Variants in TNIK observed in about 807,000 individuals in gnomAD.
TNIK encodes the protein TRAF2 and NCK interacting kinase, also known as TRAF2 and NCK-interacting protein kinase.
In TNIK, 49 loss-of-function variants were observed where a neutral mutation model predicts 191.3. That is an observed-to-expected ratio of 0.26 (90% CI 0.20 to 0.32). TNIK has a LOEUF of 0.32. Among genes scored for constraint, TNIK ranks in the 10% least tolerant of loss-of-function variants. The probability of loss-of-function intolerance (pLI) is 1.00; values close to 1 mark genes in which losing one functional copy is unlikely to be tolerated. For missense variants in TNIK, 1,155 were observed against 1,702.3 expected, an observed-to-expected ratio of 0.68 and a Z score of 5.66; for synonymous variants, 594 against 600.9, an observed-to-expected ratio of 0.99 and a Z score of 0.17.
At chr3:171,142,695 A>G (rs1731003723) in intron 12 of TNIK, among the ~76,000 whole-genome samples, 1 of 152,242 alleles carries the variant, frequency 6.6e-6, no homozygotes, top group East Asian at 1.9e-4. Flanking sequence ...AGAAAACATC[A>G]GCATAGGCAC....
chr3:171,342,348 T>C (rs1757622894), intron 2 of TNIK, among the ~76,000 whole-genome samples: 1 of 152,212 alleles, frequency 6.6e-6, no homozygotes, highest in African/African-American at 2.4e-5. Context: ...GATTAAATTG[T>C]GAAACAACCT....
intron 12 of TNIK, among the ~76,000 whole-genome samples, chr3:171,153,069 C>T (rs554200007): frequency 1.3e-5 from 2 of 152,222 alleles, no homozygotes; most frequent in South Asian, 2.1e-4. Flanking sequence ...CCACTGCGCC[C>T]GGCCAAAACT....
At chr3:171,260,440 C>T (rs1221067364) in intron 2 of TNIK, among the ~76,000 whole-genome samples, 1 of 152,110 alleles carries the variant, frequency 6.6e-6, no homozygotes, top group African/African-American at 2.4e-5. Flanking sequence ...GCATCCCTTC[C>T]CATCCCCACC....
intron 2 of TNIK, among the ~76,000 whole-genome samples, chr3:171,362,146 A>G (rs1715074335): frequency 6.6e-6 from 1 of 152,184 alleles, no homozygotes; most frequent in South Asian, 2.1e-4. Flanking sequence ...TCACCCCACC[A>G]AAGTTCCACA....
At chr3:171,312,150 C>T (rs1363358990) in intron 2 of TNIK, among the ~76,000 whole-genome samples, 21 of 107,354 alleles carry the variant, frequency 2.0e-4, no homozygotes, top group African/African-American at 7.0e-4. Context: ...AAGGGCTAGA[C>T]TGGCATATCT....
intron 2 of TNIK, among the ~76,000 whole-genome samples, chr3:171,322,839 CTTTT>C (rs10617013): frequency 1.1e-4 from 15 of 136,312 alleles, no homozygotes; most frequent in Non-Finnish European, 1.1e-4. Context: ...GTTTTCTTTT[CTTTT>C]TTTTTTTTTT....
intron 24 of TNIK, 149 bp from the exon 25 acceptor site, chr3:171,085,378 G>T: frequency 1.7e-6 from 1 of 587,994 alleles, no homozygotes; most frequent in Non-Finnish European, 2.7e-6. Flanking sequence ...GTGCGTGCCT[G>T]TCTCCAGCTT....
chr3:171,349,374 T>C (rs1712769961), intron 2 of TNIK, among the ~76,000 whole-genome samples: 1 of 152,172 alleles, frequency 6.6e-6, no homozygotes, highest in Admixed American at 6.5e-5. Flanking sequence ...AATCCTACAA[T>C]AACTCTTGTA....
Position 171,084,258 on chromosome 3 carries a change from C to A in TNIK, c.3066G>T (p.Val1022=). The A allele has an allele frequency of 6.2e-7, 1 of 1,613,634 alleles. No homozygotes were observed. The highest frequency in any genetic ancestry group is 8.5e-7 in the Non-Finnish European group (1 of 1,179,790). ...GAATGTTGGTTGGGTTTACATTTAC[C>A]ACCGAAATCTTTCTTGCTTCATTGA... ...AKLNEARKIS[V]VNVNPTNIRP... The change falls in exon 26 of 33, where the codon GTG becomes GTT. Residue 1022 remains valine, a synonymous_variant. Transcript: ENST00000436636.
intron 2 of TNIK, among the ~76,000 whole-genome samples, chr3:171,243,530 G>T (rs944876857): frequency 1.3e-5 from 2 of 151,974 alleles, no homozygotes; most frequent in Non-Finnish European, 2.9e-5. Flanking sequence ...CATCTTCTGG[G>T]GTTGAACCTG....
At chr3:171,271,413 A>T (rs1467342617) in intron 2 of TNIK, among the ~76,000 whole-genome samples, 1 of 152,142 alleles carries the variant, frequency 6.6e-6, no homozygotes, top group Non-Finnish European at 1.5e-5. Context: ...CATCATTTCC[A>T]TGACCTATCC....
At chr3:171,195,557 T>G (rs1474666129) in intron 4 of TNIK, among the ~76,000 whole-genome samples, 2 of 152,160 alleles carry the variant, frequency 1.3e-5, no homozygotes, top group Non-Finnish European at 2.9e-5. Flanking sequence ...AAATCTACAT[T>G]CCTGATATCA....
chr3:171,345,354 GAGA>G (rs1364923100), intron 2 of TNIK, among the ~76,000 whole-genome samples: 1 of 152,116 alleles, frequency 6.6e-6, no homozygotes, highest in Non-Finnish European at 1.5e-5. Flanking sequence ...ATCTTGCCTG[GAGA>G]AGGACTCAAT....
At chr3:171,258,696 A>G (rs540869362) in intron 2 of TNIK, among the ~76,000 whole-genome samples, 5 of 152,166 alleles carry the variant, frequency 3.3e-5, no homozygotes, top group Admixed American at 6.5e-5. Flanking sequence ...TTCCAGGGAC[A>G]CCATGCCAGG....
chr3:171,278,265 A>G (rs1319806843), intron 2 of TNIK, among the ~76,000 whole-genome samples: 1 of 152,212 alleles, frequency 6.6e-6, no homozygotes, highest in African/African-American at 2.4e-5. Flanking sequence ...CTAACCTTTC[A>G]GATGACAGTA....
intron 2 of TNIK, among the ~76,000 whole-genome samples, chr3:171,351,130 A>G (rs1035229760): frequency 3.3e-5 from 5 of 152,046 alleles, no homozygotes; most frequent in Admixed American, 2.6e-4. Flanking sequence ...AGCTCAGGCA[A>G]TTCACCCACC....
At chr3:171,277,761 G>A (rs1208593355) in intron 2 of TNIK, among the ~76,000 whole-genome samples, 1 of 152,172 alleles carries the variant, frequency 6.6e-6, no homozygotes, top group Non-Finnish European at 1.5e-5. Context: ...CCTACAGACT[G>A]CAAAACCTAA....
At chr3:171,314,997 C>A (rs747292378) in intron 2 of TNIK, among the ~76,000 whole-genome samples, 2 of 152,038 alleles carry the variant, frequency 1.3e-5, no homozygotes, top group Non-Finnish European at 2.9e-5. Flanking sequence ...ATATAAAATG[C>A]AACACAAGAT....
intron 18 of TNIK, among the ~76,000 whole-genome samples, chr3:171,122,855 A>C (rs185775122): frequency 1.3e-5 from 2 of 152,222 alleles, no homozygotes; most frequent in African/African-American, 4.8e-5. Flanking sequence ...TTGATGAACT[A>C]TAACAGCAAA....
Sources: allele counts gnomAD v4.1 joint callset (sites outside exome capture counted in the v4.1 genomes callset), GRCh38; gene constraint gnomAD v4.1.1; transcripts MANE v1.5; gene names NCBI Gene and HGNC (gene_info 2026-07-23, HGNC 2026-07-21).